Variants in RHOJ observed in about 807,000 individuals in gnomAD.
RHOJ encodes rho-related GTP-binding protein RhoJ.
RHOJ carries 11 observed loss-of-function variants against 23.4 expected under a neutral mutation model. That is an observed-to-expected ratio of 0.47 (90% CI 0.30 to 0.78). RHOJ has a LOEUF of 0.78. Among genes scored for constraint, RHOJ ranks in the 30% least tolerant of loss-of-function variants. The pLI is 0.08. For missense variants in RHOJ, 254 were observed against 273.4 expected, an observed-to-expected ratio of 0.93 and a Z score of 0.50; for synonymous variants, 102 against 102.7, an observed-to-expected ratio of 0.99 and a Z score of 0.04.
intron 2 of RHOJ, among the ~76,000 whole-genome samples, chr14:63,272,680 T>C (rs976851991): frequency 5.9e-5 from 9 of 152,216 alleles, no homozygotes; most frequent in Non-Finnish European, 1.5e-5. Context: ...CCATGAGCCA[T>C]GGCCTGAGAT....
intron 2 of RHOJ, among the ~76,000 whole-genome samples, chr14:63,271,006 C>G (rs1341272764): frequency 3.3e-5 from 5 of 152,158 alleles, no homozygotes; most frequent in Admixed American, 2.0e-4. Context: ...CTGTTCTGTC[C>G]TTTTAAGAAA....
At chr14:63,219,951 C>A (rs1243446441) in intron 1 of RHOJ, among the ~76,000 whole-genome samples, 1 of 152,122 alleles carries the variant, frequency 6.6e-6, no homozygotes, top group African/African-American at 2.4e-5. Flanking sequence ...TCCTGATAAG[C>A]CAAATTTCAC....
chr14:63,248,876 G>A (rs904493335), intron 1 of RHOJ, among the ~76,000 whole-genome samples: 1 of 152,134 alleles, frequency 6.6e-6, no homozygotes, highest in African/African-American at 2.4e-5. Context: ...TCCTGGAGCT[G>A]CCTCCTTACT....
intron 1 of RHOJ, among the ~76,000 whole-genome samples, chr14:63,241,550 G>A (rs1388431243): frequency 3.9e-5 from 6 of 152,082 alleles, no homozygotes; most frequent in South Asian, 2.1e-4. Context: ...AAAGACACTC[G>A]CATTAACTAC....
chr14:63,238,044 T>A (rs1008585945), intron 1 of RHOJ, among the ~76,000 whole-genome samples: 12 of 152,224 alleles, frequency 7.9e-5, no homozygotes, highest in Admixed American at 2.6e-4. Flanking sequence ...GTTCATCCCT[T>A]GGCCTTGATT....
At position 63,280,878 on chromosome 14, in the gene RHOJ, G is replaced by A. The variant is rs928468534; in HGVS notation, c.238-93G>A. 2.1e-5 allele frequency: 25 copies of A among 1,175,342 alleles called. No homozygotes were observed. In the Admixed American group the frequency reaches 2.8e-4, roughly 13 times the overall value. 72.8% of individuals were successfully genotyped at this position (1,175,342 alleles called of 1,614,324 possible). On this transcript the variant is annotated intron_variant, in intron 2 of 4. Transcript: ENST00000316754. ...TGAGGAAGAAACGGGATCCCAGTGC[G>A]CTGTAGTGGACTCTTACCTGAAATC...
intron 2 of RHOJ, among the ~76,000 whole-genome samples, chr14:63,271,956 C>G (rs757112611): frequency 6.6e-6 from 1 of 152,242 alleles, no homozygotes; most frequent in African/African-American, 2.4e-5. Flanking sequence ...TTGAGAGCCA[C>G]TCAAAGTGTG....
In RHOJ at chr14:63,272,486, G is replaced by A. The variant is rs1025123667; in HGVS notation, c.237+3318G>A. Reference sequence around the variant, plus strand: ...TGCTTGAATAATTAGATTTTTGTGCGTGAATAAACCAAGAAGCAATCCTCC... The same window carrying A: ...TGCTTGAATAATTAGATTTTTGTGCATGAATAAACCAAGAAGCAATCCTCC... On this transcript the variant is annotated intron_variant, in intron 2 of 4. Transcript: ENST00000316754. Among the ~76,000 whole-genome samples the A allele has an allele frequency of 5.9e-5, 9 of 152,166 alleles. No homozygotes were observed. The East Asian group carries it at 7.7e-4, about 13-fold the overall frequency.
At position 63,291,048 on chromosome 14, in the gene RHOJ, C is replaced by A; in HGVS notation, c.*24C>A. ...GAGGTTGTCTGGGACCTGCCTCCAC[C>A]CCATCCAGGGATGAGAATGGCAGCC... On this transcript the variant is annotated 3_prime_UTR_variant, in exon 5 of 5. Coordinates refer to ENST00000316754, the MANE Select transcript of RHOJ (RefSeq NM_020663.5). The A allele has an allele frequency of 1.2e-6, 2 of 1,613,296 alleles. No homozygotes were observed. Among genetic ancestry groups the A allele is most frequent in the African/African-American group, 1.3e-5 (1 of 75,032 alleles).
intron 2 of RHOJ, among the ~76,000 whole-genome samples, chr14:63,277,493 G>A (rs1397980805): frequency 6.6e-6 from 1 of 152,154 alleles, no homozygotes; most frequent in East Asian, 1.9e-4. Flanking sequence ...GTGGAGCAAG[G>A]AGTTGATTAG....
chr14:63,207,418 G>A (rs769121786), intron 1 of RHOJ, among the ~76,000 whole-genome samples: 2 of 152,176 alleles, frequency 1.3e-5, no homozygotes, highest in Admixed American at 6.5e-5. Context: ...ATATGACCTG[G>A]TTGAACATAA....
rs76067540 is a variant in RHOJ, at chr14:63,231,430, T to C, written c.178+26383T>C. ...AAATCACTTCCTTTATAACATGCTC[T>C]GCTTCAACCATTGTTTTTCCTGGTT... On this transcript the variant is annotated intron_variant, in intron 1 of 4. Coordinates refer to ENST00000316754, the MANE Select transcript of RHOJ (RefSeq NM_020663.5). Among the ~76,000 whole-genome samples the C allele has an allele frequency of 6.3e-3, 962 of 152,352 alleles. 8 individuals are homozygous for C. The highest frequency in any genetic ancestry group is 0.022 in the African/African-American group (921 of 41,586).
At chr14:63,255,631 G>A (rs2139644585) in intron 1 of RHOJ, among the ~76,000 whole-genome samples, 1 of 143,716 alleles carries the variant, frequency 7.0e-6, no homozygotes, top group South Asian at 2.2e-4. Context: ...GATGGCAGCA[G>A]GAGGAGAAAA....
At chr14:63,229,320 A>C (rs1050062097) in intron 1 of RHOJ, among the ~76,000 whole-genome samples, 1 of 152,202 alleles carries the variant, frequency 6.6e-6, no homozygotes, top group African/African-American at 2.4e-5. Flanking sequence ...AACTACCACA[A>C]TCTTAGTGAC....
chr14:63,234,019 A>G (rs1443414029), intron 1 of RHOJ, among the ~76,000 whole-genome samples: 3 of 152,172 alleles, frequency 2.0e-5, no homozygotes, highest in Non-Finnish European at 4.4e-5. Flanking sequence ...ACTGCACTAC[A>G]TGTCAGTCCC....
chr14:63,291,321 C>T lies in RHOJ; in HGVS notation c.*297C>T, dbSNP rs1882243545. ...AAGTCAAAGGCCATCTCACATTTTA[C>T]AAATCCCCAGCTCATGAACGTGAAG... On this transcript the variant is annotated 3_prime_UTR_variant, in exon 5 of 5. Coordinates refer to ENST00000316754, the MANE Select transcript of RHOJ (RefSeq NM_020663.5). 2.5e-6 allele frequency: 1 copy of T among 400,308 alleles called. No homozygotes were observed. The highest frequency in any genetic ancestry group is 4.7e-6 in the Non-Finnish European group (1 of 214,068). 24.8% of individuals were successfully genotyped at this position (400,308 alleles called of 1,614,324 possible). A position where few individuals can be genotyped will look rare whatever the true frequency, so the allele number is the denominator to read the frequency against.
chr14:63,210,249 C>T (rs1393426871), intron 1 of RHOJ, among the ~76,000 whole-genome samples: 1 of 152,142 alleles, frequency 6.6e-6, no homozygotes, highest in Non-Finnish European at 1.5e-5. Context: ...CGTGAACCAC[C>T]ACGCCCAGCC....
intron 1 of RHOJ, among the ~76,000 whole-genome samples, chr14:63,218,137 T>C (rs766642778): frequency 6.6e-6 from 1 of 152,178 alleles, no homozygotes; most frequent in Non-Finnish European, 1.5e-5. Context: ...AATATCATGT[T>C]AAGGCTTTCA....
chr14:63,233,820 AAAC>A (rs981866556), intron 1 of RHOJ, among the ~76,000 whole-genome samples: 55 of 152,268 alleles, frequency 3.6e-4, no homozygotes, highest in African/African-American at 1.3e-3. Context: ...GAGGTCTTCC[AAAC>A]AACAACAACA....
Sources: gnomAD v4.1 joint callset for allele counts (sites outside exome capture counted in the v4.1 genomes callset) on GRCh38, gnomAD v4.1.1 for gene constraint, MANE v1.5 for transcripts, NCBI Gene and HGNC (gene_info 2026-07-23, HGNC 2026-07-21) for gene names.